PILRB: variants seen among roughly 807,000 people sequenced by gnomAD.
The protein encoded by PILRB is paired immunoglobin like type 2 receptor beta.
In PILRB, 21 loss-of-function variants were observed where a neutral mutation model predicts 20.5. That is an observed-to-expected ratio of 1.02 (90% CI 0.72 to 1.47). The LOEUF (loss-of-function observed/expected upper bound fraction) is 1.47, where lower values mean the gene tolerates loss of function less well. Ranked by LOEUF, PILRB falls within the 40% of genes most tolerant of loss-of-function variation. The pLI, the probability that PILRB is intolerant of heterozygous loss-of-function variation, is 0.00. For synonymous variants in PILRB, 133 were observed against 115.1 expected, an observed-to-expected ratio of 1.16 and a Z score of -0.99; for missense variants, 253 against 272.1, an observed-to-expected ratio of 0.93 and a Z score of 0.49.
chr7:100,362,084 G>A (rs140260286), intron 3 of PILRB, among the ~76,000 whole-genome samples: 57 of 152,286 alleles, frequency 3.7e-4, no homozygotes, highest in African/African-American at 1.4e-3. Flanking sequence ...AGGGGGGTCA[G>A]CAGGAAGCTT....
chr7:100,361,904 A>T lies in PILRB; in HGVS notation c.655+2367A>T, dbSNP rs139347730. On this transcript the variant is annotated intron_variant, in intron 3 of 3. Coordinates refer to ENST00000609309, the MANE Select transcript of PILRB (RefSeq NM_178238.4). ...TATTTTATAACCATAGAGTGGAGAC[A>T]GTCAGTATGACCACCAAACCCAGGA... 1.4e-4 allele frequency among the ~76,000 whole-genome samples: 22 copies of T among 152,066 alleles called. No homozygotes were observed. The East Asian group carries it at 4.1e-3, about 28-fold the overall frequency.
At chr7:100,364,650 C>G (rs942744109) in intron 3 of PILRB, among the ~76,000 whole-genome samples, 2 of 152,194 alleles carry the variant, frequency 1.3e-5, no homozygotes, top group African/African-American at 2.4e-5. Context: ...GCCTTAGCCT[C>G]CACAATATTA....
At position 100,359,033 on chromosome 7, in the gene PILRB, G is replaced by A. The variant is rs1205149220; in HGVS notation, c.408G>A (p.Arg136=). The change falls in exon 2 of 4, where the codon AGG becomes AGA. Residue 136 remains arginine (R), a synonymous_variant. Coordinates refer to ENST00000609309, the MANE Select transcript of PILRB (RefSeq NM_178238.4). ...RVELDTRRSG[R]QQLQSIKGTK... is the part of the protein sequence containing the mutation. ...AGCTGGACACCCGGAGATCAGGGAG[G>A]CAGCAGTTGCAGTCCATCAAGGGGA... The A allele has an allele frequency of 5.6e-6, 9 of 1,614,000 alleles. No homozygotes were observed. Among genetic ancestry groups the A allele is most frequent in the African/African-American group, 1.3e-5 (1 of 74,882 alleles).
rs529395696 is a variant in PILRB, at chr7:100,366,767, G to C, written c.656-582G>C. Among the ~76,000 whole-genome samples the C allele has an allele frequency of 2.6e-5, 4 of 152,190 alleles. No individual in the cohort carries two copies. The South Asian group carries it at 8.3e-4, about 32-fold the overall frequency. On this transcript the variant is annotated intron_variant, in intron 3 of 3. Transcript: ENST00000609309. ...TGTCAAGGGAAGGGGAGGGAAGGAAGAGATGGGTGGGCGAGGGCTCAGCGA... is the reference window on the plus strand; with the variant it reads ...TGTCAAGGGAAGGGGAGGGAAGGAACAGATGGGTGGGCGAGGGCTCAGCGA...
intron 3 of PILRB, among the ~76,000 whole-genome samples, chr7:100,361,615 C>T (rs1366715453): frequency 6.6e-6 from 1 of 152,166 alleles, no homozygotes; most frequent in African/African-American, 2.4e-5. Flanking sequence ...ATTGCTTGAA[C>T]CCAGGAGGTG....
At chr7:100,362,250 C>T (rs1790548540) in intron 3 of PILRB, among the ~76,000 whole-genome samples, 1 of 151,916 alleles carries the variant, frequency 6.6e-6, no homozygotes, top group Admixed American at 6.6e-5. Flanking sequence ...AAAGACCCTG[C>T]AAGAAAAACA....
At chr7:100,366,871 G>C (rs1163115013) in intron 3 of PILRB, among the ~76,000 whole-genome samples, 1 of 152,114 alleles carries the variant, frequency 6.6e-6, no homozygotes, top group Non-Finnish European at 1.5e-5. Flanking sequence ...TTTTGCGGGG[G>C]CGGTTTCAGG....
At chr7:100,359,693 C>CG (rs1790473692) in intron 3 of PILRB, among the ~76,000 whole-genome samples, 156 bp downstream of exon 3, 1 of 152,148 alleles carries the variant, frequency 6.6e-6, no homozygotes, top group Non-Finnish European at 1.5e-5. Flanking sequence ...GTCTGCATCT[C>CG]GGGGGCCTCC....
intron 3 of PILRB, among the ~76,000 whole-genome samples, chr7:100,363,186 A>G (rs1293748748): frequency 2.0e-5 from 3 of 152,040 alleles, no homozygotes; most frequent in Non-Finnish European, 4.4e-5. Context: ...CAATTAGGCA[A>G]TTAGGCAAGG....
At chr7:100,366,717 C>G (rs1790699267) in intron 3 of PILRB, among the ~76,000 whole-genome samples, 2 of 151,582 alleles carry the variant, frequency 1.3e-5, no homozygotes, top group African/African-American at 4.9e-5. Context: ...CCCTGAGGAC[C>G]TGGAGGGAGA....
chr7:100,367,463 C>G lies in PILRB; in HGVS notation c.*86C>G, dbSNP rs1246555978. On this transcript the variant is annotated 3_prime_UTR_variant, in exon 4 of 4. Coordinates refer to ENST00000609309, the MANE Select transcript of PILRB (RefSeq NM_178238.4). ...CTTGTGAGTCCTCCACACTCGTTCCCCATTGGCAAGATACATGGAGAGCAC... is the reference window on the plus strand; with the variant it reads ...CTTGTGAGTCCTCCACACTCGTTCCGCATTGGCAAGATACATGGAGAGCAC... 1 of 766,920 alleles carries G rather than the reference C, an allele frequency of 1.3e-6. No homozygotes were observed. The highest frequency in any genetic ancestry group is 2.5e-6 in the Non-Finnish European group (1 of 406,750). The allele number at this position is 766,920 out of a possible 1,614,324, so 47.5% of individuals were successfully genotyped here. A position where few individuals can be genotyped will look rare whatever the true frequency, so the allele number is the denominator to read the frequency against.
At chr7:100,362,556 T>C (rs993801790) in intron 3 of PILRB, among the ~76,000 whole-genome samples, 9 of 152,106 alleles carry the variant, frequency 5.9e-5, no homozygotes, top group African/African-American at 2.2e-4. Context: ...TTGCCCAGCC[T>C]GGAGTGCAGT....
chr7:100,359,229 AGCTT>A, intron 2 of PILRB, 104 bp from the exon 3 acceptor site: 1 of 1,503,334 alleles, frequency 6.7e-7, no homozygotes, highest in Non-Finnish European at 9.2e-7. Context: ...TTCTGAGAGC[AGCTT>A]GCTCATCCTG....
At position 100,359,067 on chromosome 7, in the gene PILRB, A is replaced by T. The variant is rs753190226; in HGVS notation, c.442A>T (p.Thr148Ser). The T allele has an allele frequency of 3.2e-5, 52 of 1,613,854 alleles. No individual in the cohort carries two copies. Among genetic ancestry groups the T allele is most frequent in the Middle Eastern group, 1.6e-4 (1 of 6,084 alleles). The change falls in exon 2 of 4, where the codon ACC (threonine) becomes TCC (serine). Residue 148 changes from threonine to serine, a missense_variant. Coordinates refer to ENST00000609309, the MANE Select transcript of PILRB (RefSeq NM_178238.4). ...QLQSIKGTKL[T>S]ITQAVTTTTT... ...GCAGTCCATCAAGGGGACCAAACTC[A>T]CCATCACCCAGGGTGAGTCCAGCTG... is the stretch of plus-strand genomic sequence containing the variant.
At chr7:100,363,276 TC>T (rs1426601821) in intron 3 of PILRB, among the ~76,000 whole-genome samples, 1 of 151,434 alleles carries the variant, frequency 6.6e-6, no homozygotes, top group Non-Finnish European at 1.5e-5. Flanking sequence ...ATGTAGAAAA[TC>T]CTAAGTATTG....
chr7:100,366,498 A>G (rs375260748), intron 3 of PILRB, among the ~76,000 whole-genome samples: 1 of 151,956 alleles, frequency 6.6e-6, no homozygotes. Context: ...GTGCTTGGGA[A>G]ACACTGCAAG....
At position 100,359,441 on chromosome 7, in the gene PILRB, G is replaced by A; in HGVS notation, c.559G>A (p.Asp187Asn). ...CTCAGAATCATGGCACCTAAGTCTG[G>A]ACACTGCCATCAGGGTTGCATTGGC... is the stretch of plus-strand genomic sequence containing the variant. Reference protein sequence around the residue: ...GHSESWHLSLDTAIRVALAVA... With the variant: ...GHSESWHLSLNTAIRVALAVA... The change falls in exon 3 of 4, where the codon GAC becomes AAC. Residue 187 changes from aspartate to asparagine, a missense_variant. Transcript: ENST00000609309. The A allele has an allele frequency of 6.2e-7, 1 of 1,614,122 alleles. No individual in the cohort carries two copies. Among genetic ancestry groups the A allele is most frequent in the East Asian group, 2.2e-5 (1 of 44,884 alleles).
At chr7:100,363,954 C>T (rs959004116) in intron 3 of PILRB, among the ~76,000 whole-genome samples, 2 of 151,846 alleles carry the variant, frequency 1.3e-5, no homozygotes, top group African/African-American at 2.4e-5. Context: ...ACTAAAAATA[C>T]AAAATTAGCC....
intron 3 of PILRB, among the ~76,000 whole-genome samples, chr7:100,365,279 C>G (rs1301023154): frequency 1.3e-5 from 2 of 152,160 alleles, no homozygotes; most frequent in Admixed American, 6.5e-5. Flanking sequence ...GGATTATAGG[C>G]GTGAGCCACT....
Sources: gnomAD v4.1 joint callset for allele counts (sites outside exome capture counted in the v4.1 genomes callset) on GRCh38, gnomAD v4.1.1 for gene constraint, MANE v1.5 for transcripts, NCBI Gene and HGNC (gene_info 2026-07-23, HGNC 2026-07-21) for gene names.